Variants in PCDHGA7 observed in about 807,000 individuals in gnomAD.
PCDHGA7 encodes protocadherin gamma-A7.
A neutral mutation model predicts 58.3 loss-of-function variants in PCDHGA7; 44 were observed. The ratio of observed to expected loss-of-function variants is 0.75; its 90% confidence interval spans 0.59 to 0.97. The LOEUF (loss-of-function observed/expected upper bound fraction) is 0.97. Ranked by LOEUF, PCDHGA7 falls within the 50% of genes least tolerant of loss-of-function variation. The pLI, the probability that PCDHGA7 is intolerant of heterozygous loss-of-function variation, is 0.00. For synonymous variants in PCDHGA7, 516 were observed against 504.2 expected (o/e 1.02, Z -0.31); for missense variants, 1,266 against 1,188.7 (o/e 1.06, Z -0.96).
rs542816387 is a variant in PCDHGA7, at chr5:141,394,624, T to G, written c.2424+9301T>G. ...AGAGACTCGGGCCAGAACGCCTGGC[T>G]GTCCTACCGCCTGCTCAAGGCCAGC... On this transcript the variant is annotated intron_variant, in intron 1 of 3. Transcript: ENST00000518325. 2.5e-6 allele frequency: 4 copies of G among 1,613,110 alleles called. No individual in the cohort carries two copies. The South Asian group carries it at 3.3e-5, about 13-fold the overall frequency.
At chr5:141,422,963 C>A (rs372620011) in intron 1 of PCDHGA7, 1 of 1,614,120 alleles carries the variant, frequency 6.2e-7, no homozygotes, top group Non-Finnish European at 8.5e-7. Flanking sequence ...GTGGAGCTGG[C>A]GCCCCGCTCT....
At chr5:141,464,312 C>T (rs2099081610) in intron 1 of PCDHGA7, among the ~76,000 whole-genome samples, 1 of 149,056 alleles carries the variant, frequency 6.7e-6, no homozygotes, top group South Asian at 2.1e-4. Flanking sequence ...GTGCACATAT[C>T]ATTATCTGTT....
chr5:141,486,146 G>T lies in PCDHGA7; in HGVS notation c.2425-8661G>T. Reference sequence around the variant, plus strand: ...TGAATTTGATGTGCGGGCTCGCGATGGGGGTTCTCCAGCCATGGAGCAACA... The same window carrying T: ...TGAATTTGATGTGCGGGCTCGCGATTGGGGTTCTCCAGCCATGGAGCAACA... On this transcript the variant is annotated intron_variant, in intron 1 of 3. Transcript: ENST00000518325. The surrounding 1 kb of genome is among the most constrained non-coding windows in gnomAD (Gnocchi z 5.0). 6.2e-7 allele frequency: 1 copy of T among 1,614,184 alleles called. No homozygotes were observed. The highest frequency in any genetic ancestry group is 8.5e-7 in the Non-Finnish European group (1 of 1,180,032).
Position 141,403,721 on chromosome 5 carries a change from C to T in PCDHGA7, c.2424+18398C>T, listed in dbSNP as rs748888364. On this transcript the variant is annotated intron_variant, in intron 1 of 3. Coordinates refer to ENST00000518325, the MANE Select transcript of PCDHGA7 (RefSeq NM_018920.4). ...AGTTAAAGTCCTTGAGAACGTGCCC[C>T]CAGGCACCTGGCTGCTTACTGCAAC... 5 of 1,613,754 alleles carry T rather than the reference C, an allele frequency of 3.1e-6. No individual in the cohort carries two copies. The highest frequency in any genetic ancestry group is 2.2e-5 in the East Asian group (1 of 44,878).
At chr5:141,399,624 T>C (rs1006867896) in intron 1 of PCDHGA7, 9 of 1,613,898 alleles carry the variant, frequency 5.6e-6, no homozygotes, top group African/African-American at 4.0e-5. Flanking sequence ...CACTGGCCTC[T>C]TACGTGTCCA....
chr5:141,426,829 A>G, intron 1 of PCDHGA7: 2 of 456,716 alleles, frequency 4.4e-6, no homozygotes, highest in South Asian at 3.1e-5. Context: ...CTGATGATGG[A>G]CAAGACTAAA....
chr5:141,423,573 C>G, intron 1 of PCDHGA7: 1 of 1,613,488 alleles, frequency 6.2e-7, no homozygotes, highest in South Asian at 1.1e-5. Context: ...CGCTCATCAG[C>G]CAGGAGAGCT....
chr5:141,451,414 A>G (rs934393544), intron 1 of PCDHGA7, among the ~76,000 whole-genome samples: 2 of 152,108 alleles, frequency 1.3e-5, no homozygotes, highest in African/African-American at 2.4e-5. Flanking sequence ...TTCCTTGTGG[A>G]TTGTTAGACT....
chr5:141,499,260 G>T (rs2099790657), intron 2 of PCDHGA7, among the ~76,000 whole-genome samples: 1 of 152,028 alleles, frequency 6.6e-6, no homozygotes, highest in African/African-American at 2.4e-5. Context: ...GTCTCCATTT[G>T]GTCCCTAGAC....
Position 141,456,470 on chromosome 5 carries a change from A to G in PCDHGA7, c.2425-38337A>G, listed in dbSNP as rs573210902. Among the ~76,000 whole-genome samples, 4 of 152,272 alleles carry G rather than the reference A, an allele frequency of 2.6e-5. No homozygotes were observed. In the East Asian group the frequency reaches 7.7e-4, roughly 29 times the overall value. On this transcript the variant is annotated intron_variant, in intron 1 of 3. Coordinates refer to ENST00000518325, the MANE Select transcript of PCDHGA7 (RefSeq NM_018920.4). ...GTCCAAATATCAATACAAGACATAT[A>G]AGCAAGAGAGTGCTTAATAAAGGGG...
chr5:141,422,172 C>A, intron 1 of PCDHGA7: 2 of 1,564,780 alleles, frequency 1.3e-6, no homozygotes, highest in Non-Finnish European at 1.7e-6. Context: ...AATATAGATT[C>A]TATGAGATGG....
At position 141,477,744 on chromosome 5, in the gene PCDHGA7, G is replaced by A; in HGVS notation, c.2425-17063G>A. On this transcript the variant is annotated intron_variant, in intron 1 of 3. Coordinates refer to ENST00000518325, the MANE Select transcript of PCDHGA7 (RefSeq NM_018920.4). The surrounding 1 kb of genome is among the most constrained non-coding windows in gnomAD (Gnocchi z 4.9). Reference sequence around the variant, plus strand: ...TTAACAGCTCATATCAGCGATGGGGGCACCCCGGTCCTAGCCACCAACATC... The same window carrying A: ...TTAACAGCTCATATCAGCGATGGGGACACCCCGGTCCTAGCCACCAACATC... 6.2e-7 allele frequency: 1 copy of A among 1,613,778 alleles called. No homozygotes were observed. The highest frequency in any genetic ancestry group is 8.5e-7 in the Non-Finnish European group (1 of 1,180,028).
Position 141,486,484 on chromosome 5 carries a change from C to A in PCDHGA7, c.2425-8323C>A. On this transcript the variant is annotated intron_variant, in intron 1 of 3. Transcript: ENST00000518325. This position sits in a 1 kb window ranked among gnomAD's most constrained non-coding sequence, Gnocchi z 5.0. ...ATGCTGGGAACCCTCCTCTCAGTAC[C>A]CACAGAACTATTTTCCTCAATATTT... is the stretch of plus-strand genomic sequence containing the variant. 5 of 1,614,102 alleles carry A rather than the reference C, an allele frequency of 3.1e-6. No homozygotes were observed. Among genetic ancestry groups the A allele is most frequent in the Non-Finnish European group, 4.2e-6 (5 of 1,179,930 alleles).
chr5:141,400,462 G>T lies in PCDHGA7; in HGVS notation c.2424+15139G>T, dbSNP rs141917215. 2.3e-4 allele frequency: 379 copies of T among 1,614,062 alleles called. 2 individuals carry two copies. The African/African-American group carries it at 4.7e-3, about 20-fold the overall frequency. The stretch of plus-strand genomic sequence containing the variant: ...TTCAGGACAAGACATACTTTGTGGT[G>T]ATTCATCTGGGGCCTTATTTCCACT... On this transcript the variant is annotated intron_variant, in intron 1 of 3. Transcript: ENST00000518325.
At chr5:141,409,219 T>A in intron 1 of PCDHGA7, 1 of 1,614,022 alleles carries the variant, frequency 6.2e-7, no homozygotes, top group Non-Finnish European at 8.5e-7. Context: ...AAATCCTTGA[T>A]GAAAACGACA....
At chr5:141,502,864 G>GTTTTTTTT in intron 2 of PCDHGA7, among the ~76,000 whole-genome samples, 3 of 61,566 alleles carry the variant, frequency 4.9e-5, no homozygotes, top group African/African-American at 2.4e-4. Context: ...CTGACTCTCT[G>GTTTTTTTT]TCTTTTTTTT....
intron 1 of PCDHGA7, chr5:141,415,738 A>G (rs2095905853): frequency 5.6e-6 from 3 of 538,228 alleles, no homozygotes; most frequent in South Asian, 3.9e-5. Context: ...ATGTTTATTA[A>G]GGTTTTTTTT....
intron 1 of PCDHGA7, among the ~76,000 whole-genome samples, chr5:141,420,877 G>T (rs566962587): frequency 3.9e-5 from 6 of 152,338 alleles, no homozygotes; most frequent in African/African-American, 1.4e-4. Context: ...TGTAAGTATT[G>T]TGTATCATCG....
chr5:141,396,996 C>G (rs1435849865), intron 1 of PCDHGA7, among the ~76,000 whole-genome samples: 1 of 152,218 alleles, frequency 6.6e-6, no homozygotes, highest in Non-Finnish European at 1.5e-5. Context: ...TTTTATTAAT[C>G]TGACAAATGG....
Sources: gnomAD v4.1 joint callset for allele counts (sites outside exome capture counted in the v4.1 genomes callset) on GRCh38, gnomAD v4.1.1 for gene constraint, Gnocchi (gnomAD v3.1) non-coding constraint, MANE v1.5 for transcripts, NCBI Gene and HGNC (gene_info 2026-07-23, HGNC 2026-07-21) for gene names.